Variants in ALCAM observed in about 807,000 individuals in gnomAD.
The protein encoded by ALCAM is CD166 antigen.
ALCAM carries 30 observed loss-of-function variants against 70.9 expected under a neutral mutation model. That is an observed-to-expected ratio of 0.42 (90% confidence interval 0.32 to 0.57). The LOEUF (loss-of-function observed/expected upper bound fraction) is 0.57, where lower values mean the gene tolerates loss of function less well. Ranked by LOEUF, ALCAM falls within the 20% of genes least tolerant of loss-of-function variation. The pLI is 0.11. For synonymous variants in ALCAM, 249 were observed against 242.5 expected (o/e 1.03, Z -0.25); for missense variants, 591 against 695.1 (o/e 0.85, Z 1.68).
At chr3:105,368,973 G>C (rs1935155165) in intron 1 of ALCAM, among the ~76,000 whole-genome samples, 1 of 152,142 alleles carries the variant, frequency 6.6e-6, no homozygotes, top group Non-Finnish European at 1.5e-5. Context: ...TGGGGAGGTA[G>C]GTGGAAAGGC....
intron 1 of ALCAM, among the ~76,000 whole-genome samples, chr3:105,401,908 TG>T (rs1936099298): frequency 1.3e-5 from 2 of 151,372 alleles, no homozygotes; most frequent in South Asian, 4.2e-4. Flanking sequence ...TTTCTAGACT[TG>T]GGGCTCAGGC....
chr3:105,507,195 C>A (rs571533161), intron 1 of ALCAM, among the ~76,000 whole-genome samples: 18 of 152,126 alleles, frequency 1.2e-4, no homozygotes, highest in Middle Eastern at 3.4e-3. Flanking sequence ...CACCCCCTTG[C>A]CCCTAGTTTC....
chr3:105,384,194 A>T (rs1935594052), intron 1 of ALCAM, among the ~76,000 whole-genome samples: 2 of 151,686 alleles, frequency 1.3e-5, no homozygotes, highest in South Asian at 2.1e-4. Flanking sequence ...AATTTGAATG[A>T]TGTTTCATTT....
chr3:105,446,765 G>A (rs1937310288), intron 1 of ALCAM, among the ~76,000 whole-genome samples: 1 of 151,918 alleles, frequency 6.6e-6, no homozygotes, highest in African/African-American at 2.4e-5. Flanking sequence ...GAAAGACAAA[G>A]GCCTTCCTTA....
chr3:105,422,716 T>C (rs751678542), intron 1 of ALCAM, among the ~76,000 whole-genome samples: 11 of 151,470 alleles, frequency 7.3e-5, no homozygotes, highest in Non-Finnish European at 1.3e-4. Context: ...TTCTAACAAC[T>C]TGTGTTCAAG....
At chr3:105,391,721 G>A (rs1935822135) in intron 1 of ALCAM, among the ~76,000 whole-genome samples, 1 of 151,968 alleles carries the variant, frequency 6.6e-6, no homozygotes, top group Non-Finnish European at 1.5e-5. Context: ...ATTGGCTATG[G>A]GTTTGTGATA....
intron 1 of ALCAM, among the ~76,000 whole-genome samples, chr3:105,404,302 G>T (rs1295052203): frequency 6.6e-6 from 1 of 152,050 alleles, no homozygotes; most frequent in African/African-American, 2.4e-5. Context: ...ATCTAGTCAA[G>T]ACAAAAGAAA....
At chr3:105,465,893 T>C (rs1283830675) in intron 1 of ALCAM, among the ~76,000 whole-genome samples, 1 of 151,268 alleles carries the variant, frequency 6.6e-6, no homozygotes, top group Non-Finnish European at 1.5e-5. Context: ...ATTCTGACTT[T>C]AAACACAAGG....
intron 1 of ALCAM, among the ~76,000 whole-genome samples, chr3:105,405,894 T>C (rs533574235): frequency 2.0e-5 from 3 of 152,300 alleles, no homozygotes; most frequent in Admixed American, 6.5e-5. Flanking sequence ...AAACTGAGGG[T>C]TGGGCTGTTA....
chr3:105,451,085 AG>A (rs1477375030), intron 1 of ALCAM, among the ~76,000 whole-genome samples: 1 of 102,974 alleles, frequency 9.7e-6, no homozygotes, highest in Non-Finnish European at 2.0e-5. Flanking sequence ...ATAAATCCAA[AG>A]AAGTAAGTAA....
chr3:105,424,900 G>C (rs1282162799), intron 1 of ALCAM, among the ~76,000 whole-genome samples: 2 of 151,696 alleles, frequency 1.3e-5, no homozygotes, highest in Non-Finnish European at 3.0e-5. Flanking sequence ...CCTTCACCTA[G>C]TAAATAAATC....
In ALCAM at chr3:105,502,479, G is replaced by C. The variant is rs139797778; in HGVS notation, c.74-17588G>C. Among the ~76,000 whole-genome samples, 46 of 152,276 alleles carry C rather than the reference G, an allele frequency of 3.0e-4. No homozygotes were observed. The East Asian group carries it at 8.3e-3, about 27-fold the overall frequency. The stretch of plus-strand genomic sequence containing the variant: ...TTCCCAGAGCCGGGGCATTTGAGGA[G>C]AGTACAGAAAAGCAAATGAATGGTG... On this transcript the variant is annotated intron_variant, in intron 1 of 15. Coordinates refer to ENST00000306107, the MANE Select transcript of ALCAM (RefSeq NM_001627.4).
chr3:105,497,638 T>C (rs1365676868), intron 1 of ALCAM, among the ~76,000 whole-genome samples: 1 of 152,200 alleles, frequency 6.6e-6, no homozygotes, highest in East Asian at 1.9e-4. Context: ...GTAAGTGCAT[T>C]CATACGTGGA....
chr3:105,543,016 A>G (rs1174802158), intron 8 of ALCAM, among the ~76,000 whole-genome samples: 1 of 151,772 alleles, frequency 6.6e-6, no homozygotes, highest in African/African-American at 2.4e-5. Context: ...TAGCCAGCAG[A>G]TAGAACCATA....
intron 1 of ALCAM, among the ~76,000 whole-genome samples, chr3:105,459,536 T>C (rs1014068771): frequency 6.6e-6 from 1 of 152,066 alleles, no homozygotes; most frequent in Non-Finnish European, 1.5e-5. Context: ...TTGATGGCAC[T>C]ACCATGGTCC....
chr3:105,414,522 G>T (rs113646777), intron 1 of ALCAM, among the ~76,000 whole-genome samples: 1,902 of 152,236 alleles, frequency 0.012, 21 homozygotes, highest in Non-Finnish European at 0.019. Flanking sequence ...GCCTCCTTAT[G>T]CAAGTGACCT....
chr3:105,397,108 G>A (rs561979598), intron 1 of ALCAM, among the ~76,000 whole-genome samples: 54 of 152,116 alleles, frequency 3.5e-4, no homozygotes, highest in African/African-American at 1.3e-3. Flanking sequence ...ATACAATAAA[G>A]TGTGTCTCCT....
At chr3:105,525,327 A>C in intron 3 of ALCAM, 5 of 982,420 alleles carry the variant, frequency 5.1e-6, no homozygotes, top group Non-Finnish European at 6.0e-6. Flanking sequence ...TGTGCAAATA[A>C]CTGTGCAAAT....
At chr3:105,526,076 A>G (rs895139775) in intron 3 of ALCAM, among the ~76,000 whole-genome samples, 4 of 152,192 alleles carry the variant, frequency 2.6e-5, no homozygotes, top group Non-Finnish European at 4.4e-5. Context: ...TAATGTCATA[A>G]TATAACCAGA....
Sources: gnomAD v4.1 joint callset for allele counts (sites outside exome capture counted in the v4.1 genomes callset) on GRCh38, gnomAD v4.1.1 for gene constraint, MANE v1.5 for transcripts, NCBI Gene and HGNC (gene_info 2026-07-23, HGNC 2026-07-21) for gene names.